The following PRDM16 variants were observed in gnomAD, a reference collection of about 807,000 sequenced individuals.
PRDM16 encodes the protein PR/SET domain 16, also known as histone-lysine N-methyltransferase PRDM16.
PRDM16 carries 23 observed loss-of-function variants against 110.6 expected under a neutral mutation model. The ratio of observed to expected loss-of-function variants is 0.21; its 90% CI spans 0.15 to 0.29. The LOEUF is 0.29. PRDM16 is among the 10% of genes least tolerant of loss of function. The probability of loss-of-function intolerance (pLI) is 1.00; values close to 1 mark genes in which losing one functional copy is unlikely to be tolerated. For synonymous variants in PRDM16, 799 were observed against 781.8 expected, an observed-to-expected ratio of 1.02 and a Z score of -0.37; for missense variants, 1,615 against 1,794.3, an observed-to-expected ratio of 0.90 and a Z score of 1.81.
chr1:3,382,607 A>G lies in PRDM16; in HGVS notation c.439-2545A>G, dbSNP rs148418371. On this transcript the variant is annotated intron_variant, in intron 3 of 16. Transcript: ENST00000270722. The surrounding 1 kb of genome is among the most constrained non-coding windows in gnomAD (Gnocchi z 6.6). ...CAGGGGGAAGGTGTTGGCTGAGCCCATGTCTTGGGTGCATTAGGGGTGAGT... is the reference window on the plus strand; with the variant it reads ...CAGGGGGAAGGTGTTGGCTGAGCCCGTGTCTTGGGTGCATTAGGGGTGAGT... Among the ~76,000 whole-genome samples the G allele has an allele frequency of 5.1e-4, 77 of 152,234 alleles. No individual in the cohort carries two copies. The highest frequency in any genetic ancestry group is 1.6e-3 in the African/African-American group (65 of 41,546).
chr1:3,380,114 C>A (rs112046481), intron 3 of PRDM16, among the ~76,000 whole-genome samples: 1 of 150,644 alleles, frequency 6.6e-6, no homozygotes, highest in Non-Finnish European at 1.5e-5. Context: ...ATCCCCTCCC[C>A]GTGCACCCTC....
chr1:3,090,059 C>T (rs144496581), intron 1 of PRDM16, among the ~76,000 whole-genome samples: 2 of 152,184 alleles, frequency 1.3e-5, no homozygotes, highest in Non-Finnish European at 2.9e-5. Context: ...TAAGATATAA[C>T]CCCCGCAAAG....
intron 3 of PRDM16, among the ~76,000 whole-genome samples, chr1:3,286,646 T>A (rs1054547519): frequency 1.3e-5 from 2 of 150,316 alleles, no homozygotes; most frequent in Non-Finnish European, 3.0e-5. Flanking sequence ...GGCCTGGGGG[T>A]TCAGCCTTCT....
At position 3,365,926 on chromosome 1, in the gene PRDM16, G is replaced by T. The variant is rs78400516; in HGVS notation, c.439-19226G>T. Among the ~76,000 whole-genome samples, 1,056 of 109,402 alleles carry T rather than the reference G, an allele frequency of 9.7e-3. 16 individuals carry two copies. The highest frequency in any genetic ancestry group is 0.048 in the African/African-American group (1,020 of 21,438). 71.8% of individuals were successfully genotyped at this position (109,402 alleles called of 152,430 possible). A position where few individuals can be genotyped will look rare whatever the true frequency, so the allele number is the denominator to read the frequency against. On this transcript the variant is annotated intron_variant, in intron 3 of 16. Coordinates refer to ENST00000270722, the MANE Select transcript of PRDM16 (RefSeq NM_022114.4). ...CACACACATGCACACATACACACACGCACACATGCACACAAACGCACACGC... is the reference window on the plus strand; with the variant it reads ...CACACACATGCACACATACACACACTCACACATGCACACAAACGCACACGC...
chr1:3,283,511 G>A (rs1016877709), intron 3 of PRDM16, among the ~76,000 whole-genome samples: 4 of 152,198 alleles, frequency 2.6e-5, no homozygotes, highest in Non-Finnish European at 5.9e-5. Flanking sequence ...ACTGCGCGGT[G>A]CCCCTAGGTC....
chr1:3,437,944 G>A lies in PRDM16; in HGVS notation c.*4133G>A, dbSNP rs1195751049. The A allele has an allele frequency of 4.5e-6, 1 of 219,786 alleles. No homozygotes were observed. Among genetic ancestry groups the A allele is most frequent in the Non-Finnish European group, 9.1e-6 (1 of 109,514 alleles). 13.6% of individuals were successfully genotyped at this position (219,786 alleles called of 1,614,324 possible). A position where few individuals can be genotyped will look rare whatever the true frequency, so the allele number is the denominator to read the frequency against. On this transcript the variant is annotated 3_prime_UTR_variant, in exon 17 of 17. Coordinates refer to ENST00000270722, the MANE Select transcript of PRDM16 (RefSeq NM_022114.4). Reference sequence around the variant, plus strand: ...TGTGTATATGGACTTTGTCCCTTAAGGTCGATATAAAGAATCCTCGCAGAA... The same window carrying A: ...TGTGTATATGGACTTTGTCCCTTAAAGTCGATATAAAGAATCCTCGCAGAA...
intron 3 of PRDM16, among the ~76,000 whole-genome samples, chr1:3,378,566 A>G (rs1428755114): frequency 1.3e-5 from 2 of 152,092 alleles, no homozygotes; most frequent in African/African-American, 4.8e-5. Flanking sequence ...CTCCTCTTCT[A>G]CAAAATGTAC....
At chr1:3,147,118 G>A (rs1199582077) in intron 1 of PRDM16, among the ~76,000 whole-genome samples, 16 of 140,160 alleles carry the variant, frequency 1.1e-4, no homozygotes, top group East Asian at 2.2e-4. Context: ...GCGTGTGCTC[G>A]GTATGGAGTG....
chr1:3,418,624 C>T (rs1442691714), intron 11 of PRDM16, 43 bp from the exon 12 acceptor site: 2 of 1,354,964 alleles, frequency 1.5e-6, no homozygotes. Context: ...CATGTAAGCC[C>T]ACCCTAATCC....
At chr1:3,088,200 G>A (rs529133718) in intron 1 of PRDM16, among the ~76,000 whole-genome samples, 7 of 152,194 alleles carry the variant, frequency 4.6e-5, no homozygotes, top group Middle Eastern at 3.4e-3. Context: ...TCTCCTCACC[G>A]AGGACGTAGG....
intron 3 of PRDM16, among the ~76,000 whole-genome samples, chr1:3,285,516 GCATGCTCCCAGGAAGCTGTGA>G (rs1243450583): frequency 3.3e-5 from 5 of 152,138 alleles, no homozygotes; most frequent in African/African-American, 1.2e-4. Flanking sequence ...CTGGGAGCAG[GCATGCTCCCAGGAAGCTGTGA>G]CATGCTCGCT....
At chr1:3,220,833 C>T (rs2651897) in intron 2 of PRDM16, among the ~76,000 whole-genome samples, 9,189 of 152,254 alleles carry the variant, frequency 0.06, 604 homozygotes, top group African/African-American at 0.15. Flanking sequence ...GGAAGCTCCT[C>T]GCCTTGGTCT....
chr1:3,340,292 G>T (rs562666094), intron 3 of PRDM16, among the ~76,000 whole-genome samples: 1 of 151,876 alleles, frequency 6.6e-6, no homozygotes, highest in Admixed American at 6.6e-5. Context: ...ATTGCCCCTC[G>T]GAGGGAGGTA....
chr1:3,302,388 C>CA (rs1252577295), intron 3 of PRDM16, among the ~76,000 whole-genome samples: 6 of 151,310 alleles, frequency 4.0e-5, no homozygotes, highest in Admixed American at 6.6e-5. Context: ...ACTTTGTTGC[C>CA]AAAAAAAAGG....
chr1:3,413,770 G>T (rs923882577), intron 9 of PRDM16, among the ~76,000 whole-genome samples: 2 of 152,214 alleles, frequency 1.3e-5, no homozygotes, highest in Non-Finnish European at 2.9e-5. Flanking sequence ...AGAAGAGCAG[G>T]CTGCCTTCAA....
At chr1:3,367,260 G>A (rs1209496667) in intron 3 of PRDM16, among the ~76,000 whole-genome samples, 2 of 151,606 alleles carry the variant, frequency 1.3e-5, no homozygotes, top group African/African-American at 4.9e-5. Context: ...GGCAACAAGA[G>A]CAAAGCTCTG....
At chr1:3,194,683 G>A (rs1170030430) in intron 2 of PRDM16, among the ~76,000 whole-genome samples, 12 of 145,568 alleles carry the variant, frequency 8.2e-5, no homozygotes, top group East Asian at 4.0e-4. Flanking sequence ...CCGTCTGATC[G>A]CCACACGCCA....
At chr1:3,237,059 C>A (rs1018880773) in intron 2 of PRDM16, among the ~76,000 whole-genome samples, 2 of 152,162 alleles carry the variant, frequency 1.3e-5, no homozygotes, top group Non-Finnish European at 2.9e-5. Context: ...AAGACCCCCA[C>A]ATGCTCCTCC....
At chr1:3,366,510 G>A (rs1003157925) in intron 3 of PRDM16, among the ~76,000 whole-genome samples, 11 of 152,210 alleles carry the variant, frequency 7.2e-5, no homozygotes, top group African/African-American at 2.4e-4. Context: ...AGCCTGCTCC[G>A]GGGGCCAGTG....
Sources: gnomAD v4.1 joint callset for allele counts (sites outside exome capture counted in the v4.1 genomes callset) on GRCh38, gnomAD v4.1.1 for gene constraint, Gnocchi (gnomAD v3.1) non-coding constraint, MANE v1.5 for transcripts, NCBI Gene and HGNC (gene_info 2026-07-23, HGNC 2026-07-21) for gene names.